SUCO: variants seen among roughly 807,000 people sequenced by gnomAD.
SUCO encodes SUN domain-containing ossification factor.
SUCO carries 57 observed loss-of-function variants against 148.1 expected under a neutral mutation model. The observed-to-expected ratio is 0.38, with a 90% CI of 0.31 to 0.48. The LOEUF is 0.48. SUCO is among the 20% of genes least tolerant of loss of function. The pLI, the probability that SUCO is intolerant of heterozygous loss-of-function variation, is 0.96. For missense variants in SUCO, 1,331 were observed against 1,468.2 expected (o/e 0.91, Z 1.53); for synonymous variants, 470 against 502.7 (o/e 0.93, Z 0.87).
At position 172,573,817 on chromosome 1, in the gene SUCO, A is replaced by C. The variant is rs1397914405; in HGVS notation, c.1050-74A>C. 4 of 817,888 alleles carry C rather than the reference A, an allele frequency of 4.9e-6. No homozygotes were observed. In the African/African-American group the frequency reaches 7.0e-5, roughly 14 times the overall value. The allele number at this position is 817,888 out of a possible 1,614,324, so 50.7% of individuals were successfully genotyped here. A position where few individuals can be genotyped will look rare whatever the true frequency, so the allele number is the denominator to read the frequency against. ...TCTTAATGGTAGTCTAATTTATGGA[A>C]ACTGTTAATGTCATATTTAATATGA... On this transcript the variant is annotated intron_variant, in intron 9 of 23. Transcript: ENST00000263688.
intron 9 of SUCO, among the ~76,000 whole-genome samples, chr1:172,573,658 A>G (rs73034036): frequency 2.6e-5 from 4 of 152,268 alleles, no homozygotes; most frequent in East Asian, 3.9e-4. Context: ...AAAAAAAATG[A>G]TGGAGCAAAA....
chr1:172,575,333 G>A (rs1398719749), intron 10 of SUCO, among the ~76,000 whole-genome samples, 185 bp from the exon 11 acceptor site: 1 of 151,860 alleles, frequency 6.6e-6, no homozygotes, highest in Non-Finnish European at 1.5e-5. Context: ...TTCTTTCCTG[G>A]TAAAGAGAAA....
At chr1:172,560,498 A>G (rs772356660) in intron 6 of SUCO, among the ~76,000 whole-genome samples, 7 of 152,060 alleles carry the variant, frequency 4.6e-5, no homozygotes, top group Non-Finnish European at 7.4e-5. Context: ...GAGTCTAGGG[A>G]CTCTTGAATT....
chr1:172,601,959 AT>A, intron 20 of SUCO, 104 bp from the exon 21 acceptor site: 1 of 1,184,402 alleles, frequency 8.4e-7, no homozygotes, highest in Non-Finnish European at 1.1e-6. Context: ...TTTGAAGCAC[AT>A]TAAAAAAATA....
At chr1:172,609,391 A>G (rs1266581149) in intron 23 of SUCO, 1 of 965,424 alleles carries the variant, frequency 1.0e-6, no homozygotes, top group Non-Finnish European at 1.2e-6. Flanking sequence ...TTCATTCTCA[A>G]CCCGGCTGCT....
intron 6 of SUCO, among the ~76,000 whole-genome samples, chr1:172,567,401 A>G (rs1334760396): frequency 6.6e-6 from 1 of 152,240 alleles, no homozygotes; most frequent in Non-Finnish European, 1.5e-5. Context: ...GCCCTTCCTC[A>G]GTATTCCTTC....
At chr1:172,600,347 T>G (rs528756415) in intron 20 of SUCO, among the ~76,000 whole-genome samples, 179 bp downstream of exon 20, 1 of 152,328 alleles carries the variant, frequency 6.6e-6, no homozygotes, top group South Asian at 2.1e-4. Flanking sequence ...ATTATCATAG[T>G]CTTTTGTAAA....
Position 172,591,036 on chromosome 1 carries a change from A to C in SUCO, c.2878A>C (p.Lys960Gln), listed in dbSNP as rs370504952. Residue 960 changes from lysine (K) to glutamine (Q), a missense_variant, in exon 19 of 24, where the codon AAA (lysine) becomes CAA (glutamine). Transcript: ENST00000263688. ...MQKAFNKTIV[K>Q]LQNTSRIAEE... ...AAAGGCTTTCAATAAAACAATCGTG[A>C]AACTTCAGAATACTTCAAGAATAGC... 83 of 1,612,430 alleles carry C rather than the reference A, an allele frequency of 5.1e-5. No homozygotes were observed. The highest frequency in any genetic ancestry group is 4.9e-4 in the African/African-American group (37 of 74,858).
In SUCO at chr1:172,556,005, C is replaced by T. The variant is rs1653730237; in HGVS notation, c.425C>T (p.Thr142Ile). The T allele has an allele frequency of 5.6e-6, 9 of 1,612,132 alleles. No individual in the cohort carries two copies. Among genetic ancestry groups the T allele is most frequent in the Non-Finnish European group, 5.9e-6 (7 of 1,179,030 alleles). ...TCCAGCTCATCTACCTCAGAAATCA[C>T]TCCAATCTCAAAGCTTGAGTAAGTT... Reference protein sequence around the residue: ...NISSSSTSEITPISKLDEIEK... With the variant: ...NISSSSTSEIIPISKLDEIEK... The change falls in exon 4 of 24, where the codon ACT becomes ATT. Residue 142 changes from threonine (T) to isoleucine (I), a missense_variant. By Grantham distance (89) the Thr-to-Ile change is moderately conservative (BLOSUM62 -1). Around this residue, in one of 3 missense-constraint regions of SUCO, gnomAD observed 992 missense variants for 1,093.5 expected, o/e 0.91. Coordinates refer to ENST00000263688, the MANE Select transcript of SUCO (RefSeq NM_014283.5).
chr1:172,582,664 G>A (rs965778959), intron 15 of SUCO, among the ~76,000 whole-genome samples: 1 of 152,084 alleles, frequency 6.6e-6, no homozygotes, highest in Non-Finnish European at 1.5e-5. Context: ...AAACTATCAT[G>A]TGTTTAGATA....
intron 3 of SUCO, chr1:172,555,387 G>T (rs1422844791): frequency 1.3e-5 from 13 of 985,184 alleles, no homozygotes; most frequent in Non-Finnish European, 1.4e-5. Context: ...GGACTGAAAG[G>T]CCCAGGTCAT....
chr1:172,578,312 G>A lies in SUCO; in HGVS notation c.1355G>A (p.Ser452Asn). The change falls in exon 14 of 24, where the codon AGC (serine) becomes AAC (asparagine). Residue 452 changes from serine (S) to asparagine (N), a missense_variant. This residue lies in a region of SUCO where 992 missense variants were observed against 1,093.5 expected (regional missense o/e 0.91). Transcript: ENST00000263688. ...PLSLIRVFGT[S>N]MVEEYEEIAD... is the part of the protein sequence containing the mutation. ...GTTGTTGATAGGGTATTTGGCACTA[G>A]CATGGTGGAAGAATATGAAGAAATT... 1 of 1,611,446 alleles carries A rather than the reference G, an allele frequency of 6.2e-7. No individual in the cohort carries two copies. The highest frequency in any genetic ancestry group is 1.3e-5 in the African/African-American group (1 of 74,958).
rs1657395833 is a variant in SUCO at position 172,600,042 on chromosome 1, AAAAT to A, written c.2914-17_2914-14del. On this transcript the variant is annotated intron_variant, in intron 19 of 23. Transcript: ENST00000263688. Reference sequence around the variant, plus strand: ...ATAGTTTGTAGTTAATATTCAAAAAAAAATAAATTCCTTTATCATAGGATCAGCG... The same window carrying A: ...ATAGTTTGTAGTTAATATTCAAAAAAAAATTCCTTTATCATAGGATCAGCG... 15 of 1,525,652 alleles carry A rather than the reference AAAAT, an allele frequency of 9.8e-6. No individual in the cohort carries two copies. Among genetic ancestry groups the A allele is most frequent in the Non-Finnish European group, 1.3e-5 (15 of 1,133,682 alleles). 94.5% of individuals were successfully genotyped at this position (1,525,652 alleles called of 1,614,324 possible).
chr1:172,534,980 G>A (rs2149213686), intron 1 of SUCO, among the ~76,000 whole-genome samples: 1 of 152,230 alleles, frequency 6.6e-6, no homozygotes, highest in Middle Eastern at 3.4e-3. Context: ...TTTTTAATTG[G>A]ATGGTGTAAA....
In SUCO at chr1:172,557,107, G is replaced by A. The variant is rs550380546; in HGVS notation, c.444-173G>A. On this transcript the variant is annotated intron_variant, in intron 4 of 23. Transcript: ENST00000263688. The stretch of plus-strand genomic sequence containing the variant: ...ATATTAACCTCATATTTGGTAAGTA[G>A]TTATTTAGAAGCTGAGGACAATAAC... The A allele has an allele frequency of 3.1e-6, 3 of 981,002 alleles. No individual in the cohort carries two copies. In the African/African-American group the frequency reaches 5.2e-5, roughly 17 times the overall value. The allele number at this position is 981,002 out of a possible 1,614,324, so 60.8% of individuals were successfully genotyped here.
chr1:172,588,826 T>C lies in SUCO; in HGVS notation c.1725T>C (p.Ser575=), dbSNP rs1656414737. The part of the protein sequence containing the change: ...EPSTPDTPKE[S]PIVQLVQEEE... ...CAACACCAGATACTCCAAAAGAGAG[T>C]CCCATTGTACAGTTAGTTCAAGAGG... is the stretch of plus-strand genomic sequence containing the variant. The change falls in exon 18 of 24, where the codon AGT becomes AGC. Residue 575 remains serine, a synonymous_variant. Coordinates refer to ENST00000263688, the MANE Select transcript of SUCO (RefSeq NM_014283.5). 1 of 1,604,566 alleles carries C rather than the reference T, an allele frequency of 6.2e-7. No homozygotes were observed. Among genetic ancestry groups the C allele is most frequent in the African/African-American group, 1.3e-5 (1 of 74,268 alleles).
chr1:172,570,485 G>C (rs938917655), intron 8 of SUCO, 178 bp from the exon 9 acceptor site: 1 of 572,882 alleles, frequency 1.7e-6, no homozygotes, highest in Non-Finnish European at 3.1e-6. Context: ...ATTTAATGCT[G>C]TTGCCGTGAA....
intron 15 of SUCO, among the ~76,000 whole-genome samples, chr1:172,580,877 G>A (rs1048570469): frequency 6.6e-6 from 1 of 152,134 alleles, no homozygotes; most frequent in African/African-American, 2.4e-5. Context: ...CTAGATAGGC[G>A]GATGACCTGA....
intron 23 of SUCO, 129 bp downstream of exon 23, chr1:172,608,931 ATGT>A: frequency 1.4e-6 from 1 of 696,532 alleles, no homozygotes; most frequent in Non-Finnish European, 2.4e-6. Flanking sequence ...TATCATGATA[ATGT>A]TGTAAATAAA....
Sources: gnomAD v4.1 joint callset for allele counts (sites outside exome capture counted in the v4.1 genomes callset) on GRCh38, gnomAD v4.1.1 for gene constraint, gnomAD v4.1.1 regional missense constraint, MANE v1.5 for transcripts, NCBI Gene and HGNC (gene_info 2026-07-23, HGNC 2026-07-21) for gene names.